The following HIPK1 variants were observed in gnomAD, a reference collection of about 807,000 sequenced individuals.
HIPK1 encodes the protein homeodomain interacting protein kinase 1.
A neutral mutation model predicts 117.1 loss-of-function variants in HIPK1; 28 were observed. That is an observed-to-expected ratio of 0.24 (90% CI 0.18 to 0.33). HIPK1 has a LOEUF of 0.33. Ranked by LOEUF, HIPK1 falls within the 10% of genes least tolerant of loss-of-function variation. HIPK1 has a pLI of 1.00. For synonymous variants in HIPK1, 605 were observed against 562.5 expected (o/e 1.08, Z -1.07); for missense variants, 1,122 against 1,475.1 (o/e 0.76, Z 3.92).
At chr1:113,954,499 A>AGT (rs1671580951) in intron 3 of HIPK1, 152 bp from the exon 4 acceptor site, 1 of 708,682 alleles carries the variant, frequency 1.4e-6, no homozygotes, top group Non-Finnish European at 2.3e-6. Flanking sequence ...TGGATGGATT[A>AGT]GTATATATAG....
At chr1:113,931,222 T>C (rs1036490720) in intron 1 of HIPK1, among the ~76,000 whole-genome samples, 1 of 151,996 alleles carries the variant, frequency 6.6e-6, no homozygotes, top group Admixed American at 6.5e-5. Context: ...ACTAGCTTTT[T>C]TCATATGGAA....
At chr1:113,960,370 A>G (rs1464937922) in intron 8 of HIPK1, among the ~76,000 whole-genome samples, 1 of 152,238 alleles carries the variant, frequency 6.6e-6, no homozygotes, top group Non-Finnish European at 1.5e-5. Context: ...AGCCTAAAGT[A>G]CAATAGCAAT....
intron 10 of HIPK1, among the ~76,000 whole-genome samples, chr1:113,965,818 A>G (rs1324821892): frequency 6.6e-6 from 1 of 152,188 alleles, no homozygotes; most frequent in Non-Finnish European, 1.5e-5. Context: ...GCATTTAACC[A>G]GCTCTTATCT....
rs564993795 is a variant in HIPK1, at chr1:113,941,010, G to A, written c.627G>A (p.Lys209=). ...GTFGQVAKCW[K]RSTKEIVAIK... ...TTGGACAGGTGGCTAAGTGCTGGAAGAGGAGCACCAAGGAAATTGTGGCTA... is the reference window on the plus strand; with the variant it reads ...TTGGACAGGTGGCTAAGTGCTGGAAAAGGAGCACCAAGGAAATTGTGGCTA... Residue 209 remains lysine, a synonymous_variant, in exon 2 of 16, where the codon AAG becomes AAA. Transcript: ENST00000426820. This position sits in a 1 kb window ranked among gnomAD's most constrained non-coding sequence, Gnocchi z 4.9. The A allele has an allele frequency of 1.5e-5, 25 of 1,614,196 alleles. No homozygotes were observed. Among genetic ancestry groups the A allele is most frequent in the Non-Finnish European group, 1.8e-5 (21 of 1,180,028 alleles).
At chr1:113,962,488 A>C (rs761143431) in intron 9 of HIPK1, 50 bp downstream of exon 9, 1 of 1,570,290 alleles carries the variant, frequency 6.4e-7, no homozygotes, top group African/African-American at 1.4e-5. Flanking sequence ...CACTATTGAG[A>C]TTCAGATATT....
chr1:113,964,252 G>GTCTTTATACAAAGGTTGAA (rs1186894635), intron 10 of HIPK1, among the ~76,000 whole-genome samples: 1 of 152,168 alleles, frequency 6.6e-6, no homozygotes, highest in South Asian at 2.1e-4. Flanking sequence ...TTACAAATAG[G>GTCTTTATACAAAGGTTGAA]TCTTTATACA....
chr1:113,930,067 G>A (rs1669753146), intron 1 of HIPK1: 1 of 964,050 alleles, frequency 1.0e-6, no homozygotes, highest in Non-Finnish European at 1.2e-6. Flanking sequence ...TCCTCAAAGG[G>A]CCCCTGCCTG....
chr1:113,955,655 T>A lies in HIPK1; in HGVS notation c.1407+6T>A. ...GCTTAGATGACATGGCTCAGGTGAGTACGGAAAGTTTCAGAAAGTCAGACA... is the reference window on the plus strand; with the variant it reads ...GCTTAGATGACATGGCTCAGGTGAGAACGGAAAGTTTCAGAAAGTCAGACA... On this transcript the variant is annotated splice_donor_region_variant and intron_variant, in intron 5 of 15. Coordinates refer to ENST00000426820, the MANE Select transcript of HIPK1 (RefSeq NM_198268.3). 1 of 1,526,324 alleles carries A rather than the reference T, an allele frequency of 6.6e-7. No homozygotes were observed. The highest frequency in any genetic ancestry group is 1.7e-4 in the Middle Eastern group (1 of 5,786). The allele number at this position is 1,526,324 out of a possible 1,614,324, so 94.5% of individuals were successfully genotyped here. A position where few individuals can be genotyped will look rare whatever the true frequency, so the allele number is the denominator to read the frequency against.
rs190264733 is a variant in HIPK1 at position 113,956,295 on chromosome 1, T to C, written c.1408-332T>C. 3.1e-3 allele frequency among the ~76,000 whole-genome samples: 473 copies of C among 151,986 alleles called. 1 individual carries two copies. The highest frequency in any genetic ancestry group is 0.011 in the African/African-American group (436 of 41,430). ...GTTTTGCCATGTTGGCCAGGCTGGG[T>C]CTCAAACTCCTGACCTCAGGTGATC... On this transcript the variant is annotated intron_variant, in intron 5 of 15. Transcript: ENST00000426820.
At chr1:113,939,068 A>T (rs898751979) in intron 1 of HIPK1, among the ~76,000 whole-genome samples, 1 of 152,132 alleles carries the variant, frequency 6.6e-6, no homozygotes, top group Non-Finnish European at 1.5e-5. Flanking sequence ...ATCATTTTAC[A>T]TGTATTAAAT....
At chr1:113,967,721 C>T (rs201505721) in intron 11 of HIPK1, 45 bp from the exon 12 acceptor site, 3 of 1,360,804 alleles carry the variant, frequency 2.2e-6, no homozygotes, top group Non-Finnish European at 2.9e-6. Context: ...CCTGATTCTT[C>T]AGTGGTTTTG....
chr1:113,957,611 A>G (rs1028813787), intron 7 of HIPK1, among the ~76,000 whole-genome samples: 1 of 152,206 alleles, frequency 6.6e-6, no homozygotes, highest in African/African-American at 2.4e-5. Flanking sequence ...GAAGGATTTT[A>G]TATCTCTTGT....
chr1:113,952,540 T>G (rs1202017964), intron 2 of HIPK1, among the ~76,000 whole-genome samples: 1 of 152,198 alleles, frequency 6.6e-6, no homozygotes, highest in African/African-American at 2.4e-5. Flanking sequence ...TATTATATAA[T>G]GTGTACTTTG....
At chr1:113,956,031 G>A (rs1671693791) in intron 5 of HIPK1, among the ~76,000 whole-genome samples, 1 of 149,514 alleles carries the variant, frequency 6.7e-6, no homozygotes, top group Non-Finnish European at 1.5e-5. Flanking sequence ...TTTATATTTA[G>A]GTAGTAACAA....
Position 113,966,417 on chromosome 1 carries a change from A to G in HIPK1, c.2381+145A>G, listed in dbSNP as rs58203825. The G allele has an allele frequency of 5.2e-3, 3,348 of 641,618 alleles. 92 individuals carry two copies. In the African/African-American group the frequency reaches 0.056, roughly 11 times the overall value. 39.7% of individuals were successfully genotyped at this position (641,618 alleles called of 1,614,324 possible). On this transcript the variant is annotated intron_variant, in intron 11 of 15. Transcript: ENST00000426820. ...CTTTAAGAACCCATATCAGGCTAGG[A>G]GATGGTGTTATAAGAAAACTTTGAA...
intron 12 of HIPK1, 79 bp downstream of exon 12, chr1:113,968,027 G>T: frequency 1.6e-6 from 2 of 1,267,032 alleles, no homozygotes; most frequent in Non-Finnish European, 2.2e-6. Context: ...ATATTGTATA[G>T]ACATATAATA....
chr1:113,973,046 C>G lies in HIPK1; in HGVS notation c.3167C>G (p.Pro1056Arg), dbSNP rs1672943016. ...LSQNQQSSAA[P>R]TSQERSSNPA... Reference sequence around the variant, plus strand: ...CAGAACCAGCAGTCATCGGCGGCTCCAACCTCACAGGAGAGAAGCAGCAAC... The same window carrying G: ...CAGAACCAGCAGTCATCGGCGGCTCGAACCTCACAGGAGAGAAGCAGCAAC... Residue 1056 changes from proline to arginine, a missense_variant, in exon 16 of 16, where the codon CCA (proline) becomes CGA (arginine). Transcript: ENST00000426820. 1 of 1,517,534 alleles carries G rather than the reference C, an allele frequency of 6.6e-7. No homozygotes were observed. The highest frequency in any genetic ancestry group is 1.4e-5 in the African/African-American group (1 of 71,686). 94.0% of individuals were successfully genotyped at this position (1,517,534 alleles called of 1,614,324 possible).
At chr1:113,964,743 T>A (rs1672337992) in intron 10 of HIPK1, among the ~76,000 whole-genome samples, 1 of 152,256 alleles carries the variant, frequency 6.6e-6, no homozygotes, top group African/African-American at 2.4e-5. Flanking sequence ...TATTTCCAAC[T>A]TGATTGATCC....
intron 2 of HIPK1, among the ~76,000 whole-genome samples, chr1:113,945,938 TA>T (rs1670960402): frequency 6.6e-6 from 1 of 152,226 alleles, no homozygotes; most frequent in Non-Finnish European, 1.5e-5. Context: ...CTTTGGGTAG[TA>T]TTGACAGCTT....
Sources: gnomAD v4.1 joint callset for allele counts (sites outside exome capture counted in the v4.1 genomes callset) on GRCh38, gnomAD v4.1.1 for gene constraint, Gnocchi (gnomAD v3.1) non-coding constraint, MANE v1.5 for transcripts, NCBI Gene and HGNC (gene_info 2026-07-23, HGNC 2026-07-21) for gene names.